DCAF10: variants seen among roughly 807,000 people sequenced by gnomAD.
The protein encoded by DCAF10 is DDB1- and CUL4-associated factor 10.
DCAF10 carries 19 observed loss-of-function variants against 51.9 expected under a neutral mutation model. That is an observed-to-expected ratio of 0.37 (90% CI 0.26 to 0.54). DCAF10 has a LOEUF of 0.54. DCAF10 is among the 20% of genes least tolerant of loss of function. The pLI, the probability that DCAF10 is intolerant of heterozygous loss-of-function variation, is 0.87. For synonymous variants in DCAF10, 291 were observed against 297.1 expected, an observed-to-expected ratio of 0.98 and a Z score of 0.21; for missense variants, 510 against 730.6, an observed-to-expected ratio of 0.70 and a Z score of 3.48.
chr9:37,820,167 C>T (rs888693347), intron 2 of DCAF10, among the ~76,000 whole-genome samples: 1 of 152,108 alleles, frequency 6.6e-6, no homozygotes. Flanking sequence ...TACTAGTCAA[C>T]GTAACATACT....
intron 2 of DCAF10, among the ~76,000 whole-genome samples, chr9:37,838,438 T>TAA (rs77435703): frequency 6.6e-6 from 1 of 151,878 alleles, no homozygotes; most frequent in Non-Finnish European, 1.5e-5. Flanking sequence ...AAACTTACAT[T>TAA]AAAAAAATCT....
At chr9:37,818,737 G>A (rs1829619653) in intron 1 of DCAF10, among the ~76,000 whole-genome samples, 1 of 152,110 alleles carries the variant, frequency 6.6e-6, no homozygotes, top group Non-Finnish European at 1.5e-5. Flanking sequence ...TTTCCCGTAA[G>A]TTGTCTCATC....
At chr9:37,800,763 C>T, upstream of DCAF10, 1 of 1,531,064 alleles carries the variant, frequency 6.5e-7, no homozygotes, top group Admixed American at 2.0e-5. Context: ...GGTTTCCAGC[C>T]GGTGGGGTTA....
intron 2 of DCAF10, 26 bp from the exon 3 acceptor site, chr9:37,842,062 CA>C (rs755634537): frequency 6.3e-7 from 1 of 1,588,700 alleles, no homozygotes; most frequent in South Asian, 1.2e-5. Context: ...TTAAATGAAC[CA>C]GGGTTTTGTT....
At position 37,836,308 on chromosome 9, in the gene DCAF10, T is replaced by TAACAAAGAC. The variant is rs1181864030; in HGVS notation, c.654-5779_654-5771dup. On this transcript the variant is annotated intron_variant, in intron 2 of 6. Coordinates refer to ENST00000377724, the MANE Select transcript of DCAF10 (RefSeq NM_024345.5). ...TTACCTGAAAGGGTTGCCATGGAAG[T>TAACAAAGAC]AACAAAGACACAATTAGAACAGTTA... 4.4e-6 allele frequency: 7 copies of TAACAAAGAC among 1,605,672 alleles called. No homozygotes were observed. In the African/African-American group the frequency reaches 9.4e-5, roughly 21 times the overall value.
chr9:37,856,626 A>T (rs867242789), intron 4 of DCAF10, among the ~76,000 whole-genome samples: 11 of 152,168 alleles, frequency 7.2e-5, no homozygotes, highest in Non-Finnish European at 1.2e-4. Context: ...TATTTTTTTC[A>T]ATGTAAACTT....
chr9:37,838,078 G>T (rs1473686280), intron 2 of DCAF10, among the ~76,000 whole-genome samples: 1 of 151,906 alleles, frequency 6.6e-6, no homozygotes, highest in Non-Finnish European at 1.5e-5. Flanking sequence ...CCATATAAAA[G>T]ATAGAAATAT....
chr9:37,821,842 AG>A (rs1297147944), intron 2 of DCAF10, among the ~76,000 whole-genome samples: 1 of 152,192 alleles, frequency 6.6e-6, no homozygotes, highest in Non-Finnish European at 1.5e-5. Flanking sequence ...ACAGAGTGGG[AG>A]AAAATCTTCG....
At position 37,865,076 on chromosome 9, in the gene DCAF10, ATTTTT is replaced by A. The variant is rs1037419845; in HGVS notation, c.*3576_*3580del. 1 of 146,206 alleles carries A rather than the reference ATTTTT, an allele frequency of 6.8e-6. No individual in the cohort carries two copies. 9.1% of individuals were successfully genotyped at this position (146,206 alleles called of 1,614,324 possible). ...CTGTTATTTGTTTAGTATCTTCTGG[ATTTTT>A]TTTTTTTAATTATAGAGCTAGCTTA... On this transcript the variant is annotated 3_prime_UTR_variant, in exon 7 of 7. Coordinates refer to ENST00000377724, the MANE Select transcript of DCAF10 (RefSeq NM_024345.5).
At chr9:37,809,995 A>G (rs1310206755) in intron 1 of DCAF10, among the ~76,000 whole-genome samples, 1 of 151,986 alleles carries the variant, frequency 6.6e-6, no homozygotes, top group Non-Finnish European at 1.5e-5. Flanking sequence ...TACTAAAAAT[A>G]CAAAAAAGTA....
chr9:37,842,871 G>A (rs1288473446), intron 3 of DCAF10, among the ~76,000 whole-genome samples: 1 of 152,178 alleles, frequency 6.6e-6, no homozygotes, highest in Non-Finnish European at 1.5e-5. Flanking sequence ...TGCCTCTGTT[G>A]TGCAACATTC....
chr9:37,825,082 C>A (rs1829812399), intron 2 of DCAF10, among the ~76,000 whole-genome samples: 1 of 151,742 alleles, frequency 6.6e-6, no homozygotes, highest in African/African-American at 2.4e-5. Flanking sequence ...ATTAAAAAGT[C>A]AAAAAAATAC....
In DCAF10 at chr9:37,867,365, T is replaced by C. The variant is rs2118245405; in HGVS notation, c.*5857T>C. On this transcript the variant is annotated 3_prime_UTR_variant, in exon 7 of 7. Coordinates refer to ENST00000377724, the MANE Select transcript of DCAF10 (RefSeq NM_024345.5). ...CTTAAGTTTCTCCCTCATTTAGATT[T>C]CATGGTTTTTACATAAAGGGTGAAT... The C allele has an allele frequency of 6.6e-6, 1 of 152,286 alleles. No individual in the cohort carries two copies. The highest frequency in any genetic ancestry group is 1.9e-4 in the East Asian group (1 of 5,192). The allele number at this position is 152,286 out of a possible 1,614,324, so 9.4% of individuals were successfully genotyped here.
In DCAF10 at chr9:37,861,220, C is replaced by T. The variant is rs1831006926; in HGVS notation, c.1392C>T (p.Tyr464=). Residue 464 remains tyrosine, a synonymous_variant, in exon 7 of 7, where the codon TAC becomes TAT. Transcript: ENST00000377724. The surrounding 1 kb of genome is among the most constrained non-coding windows in gnomAD (Gnocchi z 4.9). ...GCTGTTCTCTACGACTGACTCATTA[C>T]ATTGAAGAAGCCAATGTAGGCAGGG... ...SPRCSLRLTH[Y]IEEANVGRGY... 6.2e-7 allele frequency: 1 copy of T among 1,614,122 alleles called. No homozygotes were observed. Among genetic ancestry groups the T allele is most frequent in the Non-Finnish European group, 8.5e-7 (1 of 1,179,982 alleles).
At position 37,801,659 on chromosome 9, in the gene DCAF10, C is replaced by T. The variant is rs1276981352; in HGVS notation, c.539+254C>T. ...TTGGGCTCTGTGAAGGAGAAATGCCCGAAGCTACACAGCGGACCTGTCAGA... is the reference window on the plus strand; with the variant it reads ...TTGGGCTCTGTGAAGGAGAAATGCCTGAAGCTACACAGCGGACCTGTCAGA... On this transcript the variant is annotated intron_variant, in intron 1 of 6. Coordinates refer to ENST00000377724, the MANE Select transcript of DCAF10 (RefSeq NM_024345.5). This position sits in a 1 kb window ranked among gnomAD's most constrained non-coding sequence, Gnocchi z 5.5. Among the ~76,000 whole-genome samples the T allele has an allele frequency of 3.3e-5, 5 of 152,130 alleles. No homozygotes were observed. The highest frequency in any genetic ancestry group is 1.2e-4 in the African/African-American group (5 of 41,426).
At chr9:37,802,636 T>A (rs1278822724) in intron 1 of DCAF10, among the ~76,000 whole-genome samples, 4 of 152,170 alleles carry the variant, frequency 2.6e-5, no homozygotes, top group African/African-American at 7.2e-5. Flanking sequence ...CAGGAGTTAC[T>A]GTGAGCAAGT....
intron 2 of DCAF10, among the ~76,000 whole-genome samples, chr9:37,833,707 T>C (rs1830067373): frequency 1.3e-5 from 2 of 152,198 alleles, no homozygotes; most frequent in Non-Finnish European, 2.9e-5. Context: ...GATTTCAGTG[T>C]GTTTGAAGGG....
chr9:37,838,386 A>G (rs539821378), intron 2 of DCAF10, among the ~76,000 whole-genome samples: 4 of 152,198 alleles, frequency 2.6e-5, no homozygotes, highest in Non-Finnish European at 5.9e-5. Flanking sequence ...GCAACTCCAT[A>G]TTGGTATGAT....
intron 6 of DCAF10, among the ~76,000 whole-genome samples, chr9:37,860,794 G>A (rs1408500678): frequency 6.6e-6 from 1 of 152,080 alleles, no homozygotes; most frequent in African/African-American, 2.4e-5. Flanking sequence ...ATTGTGTAGG[G>A]GAAGAGGTAA....
Sources: gnomAD v4.1 joint callset for allele counts (sites outside exome capture counted in the v4.1 genomes callset) on GRCh38, gnomAD v4.1.1 for gene constraint, Gnocchi (gnomAD v3.1) non-coding constraint, MANE v1.5 for transcripts, NCBI Gene and HGNC (gene_info 2026-07-23, HGNC 2026-07-21) for gene names.